The following MAP4K5 variants were observed in gnomAD, a reference collection of about 807,000 sequenced individuals.
MAP4K5 encodes MAPK/ERK kinase kinase kinase 5.
In MAP4K5, 82 loss-of-function variants were observed where a neutral mutation model predicts 135.6. The observed-to-expected ratio is 0.60, with a 90% CI of 0.51 to 0.73. The LOEUF (loss-of-function observed/expected upper bound fraction) is 0.73, where lower values mean the gene tolerates loss of function less well. Among genes scored for constraint, MAP4K5 ranks in the 30% least tolerant of loss-of-function variants. The pLI, the probability that MAP4K5 is intolerant of heterozygous loss-of-function variation, is 0.00. For missense variants in MAP4K5, 907 were observed against 1,010.9 expected (o/e 0.90, Z 1.39); for synonymous variants, 347 against 335.0 (o/e 1.04, Z -0.39).
At chr14:50,479,254 A>C (rs2037182176) in intron 6 of MAP4K5, among the ~76,000 whole-genome samples, 1 of 149,640 alleles carries the variant, frequency 6.7e-6, no homozygotes, top group Non-Finnish European at 1.5e-5. Flanking sequence ...TTATATCCAT[A>C]TTAGGCCACT....
chr14:50,488,314 C>T (rs1372031310), intron 3 of MAP4K5, among the ~76,000 whole-genome samples: 2 of 152,184 alleles, frequency 1.3e-5, no homozygotes, highest in Non-Finnish European at 2.9e-5. Flanking sequence ...TCACCTCCCA[C>T]CAGGCCTCTC....
intron 1 of MAP4K5, among the ~76,000 whole-genome samples, chr14:50,546,589 T>C (rs2038635447): frequency 6.6e-6 from 1 of 152,302 alleles, no homozygotes; most frequent in South Asian, 2.1e-4. Context: ...AAAATAGAAA[T>C]GTCTTCAGAA....
Position 50,420,192 on chromosome 14 carries a change from T to C in MAP4K5, c.2454-86A>G, listed in dbSNP as rs1180868825. ...AACATCAAACTAGGAAAGAATATCATTGTTCACATTTCAGTAAGATTACGT... is the reference window on the plus strand; with the variant it reads ...AACATCAAACTAGGAAAGAATATCACTGTTCACATTTCAGTAAGATTACGT... On this transcript the variant is annotated intron_variant, in intron 32 of 32. Transcript: ENST00000682126. 6 of 763,150 alleles carry C rather than the reference T, an allele frequency of 7.9e-6. No individual in the cohort carries two copies. In the East Asian group the frequency reaches 8.0e-5, roughly 10 times the overall value. The allele number at this position is 763,150 out of a possible 1,614,324, so 47.3% of individuals were successfully genotyped here.
rs745517453 is a variant in MAP4K5 at position 50,476,129 on chromosome 14, T to C, written c.468A>G (p.Leu156=). ...ILLTDHGDVK[L]ADFGVAAKIT... ...TTTTAGGAATTTGAAATAACATACC[T>C]AATTTTACATCGCCATGGTCTGTCA... The change falls in exon 8 of 33, where the codon TTA becomes TTG. Residue 156 remains leucine, a splice_region_variant and synonymous_variant. Transcript: ENST00000682126. 1 of 1,477,642 alleles carries C rather than the reference T, an allele frequency of 6.8e-7. No homozygotes were observed. The highest frequency in any genetic ancestry group is 9.0e-7 in the Non-Finnish European group (1 of 1,106,358). The allele number at this position is 1,477,642 out of a possible 1,614,324, so 91.5% of individuals were successfully genotyped here.
intron 3 of MAP4K5, among the ~76,000 whole-genome samples, chr14:50,486,422 T>C (rs1207972364): frequency 6.6e-6 from 1 of 152,116 alleles, no homozygotes. Flanking sequence ...TAAGGAGATA[T>C]GTACAAAGAC....
At position 50,419,789 on chromosome 14, in the gene MAP4K5, C is replaced by A; in HGVS notation, c.*230G>T. The A allele has an allele frequency of 2.3e-6, 1 of 430,350 alleles. No homozygotes were observed. Among genetic ancestry groups the A allele is most frequent in the Non-Finnish European group, 4.2e-6 (1 of 239,370 alleles). 26.7% of individuals were successfully genotyped at this position (430,350 alleles called of 1,614,324 possible). ...TTCCTGGAACTAGAGGACTATTTGT[C>A]TCATAGCTTTTATTAAGCAAACTTG... On this transcript the variant is annotated 3_prime_UTR_variant, in exon 33 of 33. Coordinates refer to ENST00000682126, the MANE Select transcript of MAP4K5 (RefSeq NM_006575.6).
intron 2 of MAP4K5, among the ~76,000 whole-genome samples, chr14:50,509,877 T>C (rs965865355): frequency 6.6e-6 from 1 of 152,158 alleles, no homozygotes; most frequent in African/African-American, 2.4e-5. Flanking sequence ...TCTTTGAACA[T>C]ACAGTATAAG....
chr14:50,456,511 C>T lies in MAP4K5; in HGVS notation c.1015+5G>A. 1 of 1,559,474 alleles carries T rather than the reference C, an allele frequency of 6.4e-7. No individual in the cohort carries two copies. The highest frequency in any genetic ancestry group is 8.7e-7 in the Non-Finnish European group (1 of 1,147,632). ...ACCAATGGAAAATGTAAACCAAACA[C>T]ATACAATTTATTTCTGAAGCTGTCC... On this transcript the variant is annotated splice_donor_5th_base_variant and intron_variant, in intron 14 of 32. Transcript: ENST00000682126.
chr14:50,456,210 CA>C (rs1354748121), intron 14 of MAP4K5: 1 of 319,812 alleles, frequency 3.1e-6, no homozygotes, highest in East Asian at 7.4e-5. Flanking sequence ...AGAAATGTGG[CA>C]AAATATTAAC....
In MAP4K5 at chr14:50,560,366, T is replaced by A; in HGVS notation, c.-180+674A>T. 3.8e-6 allele frequency: 6 copies of A among 1,585,306 alleles called. No homozygotes were observed. The South Asian group carries it at 6.8e-5, about 18-fold the overall frequency. ...TCTGGCCCTCCACTTTCTGCTTCTGTGGAGACAGGGAGGGCCAAGGGCTGC... is the reference window on the plus strand; with the variant it reads ...TCTGGCCCTCCACTTTCTGCTTCTGAGGAGACAGGGAGGGCCAAGGGCTGC... On this transcript the variant is annotated intron_variant, in intron 1 of 8. Transcript: ENST00000555216.
chr14:50,537,042 A>G (rs919220194), upstream of MAP4K5, among the ~76,000 whole-genome samples: 1 of 152,276 alleles, frequency 6.6e-6, no homozygotes, highest in Non-Finnish European at 1.5e-5. Flanking sequence ...AAATGCCTTC[A>G]GGGCGTGTCA....
At position 50,486,554 on chromosome 14, in the gene MAP4K5, T is replaced by C. The variant is rs115906208; in HGVS notation, c.167-360A>G. 8.0e-3 allele frequency among the ~76,000 whole-genome samples: 1,217 copies of C among 152,298 alleles called. 9 individuals carry two copies. The highest frequency in any genetic ancestry group is 0.027 in the African/African-American group (1,136 of 41,574). ...AAAGATTATATATTATTTAAGTATA[T>C]AGAAAAAGTATTGCAAAAGTAATTT... On this transcript the variant is annotated intron_variant, in intron 3 of 32. Coordinates refer to ENST00000682126, the MANE Select transcript of MAP4K5 (RefSeq NM_006575.6).
chr14:50,548,237 A>T (rs1375302819), intron 1 of MAP4K5, among the ~76,000 whole-genome samples: 1 of 152,222 alleles, frequency 6.6e-6, no homozygotes, highest in Non-Finnish European at 1.5e-5. Context: ...TCCTAGGTTT[A>T]CTGGGCTACT....
rs943712002 is a variant in MAP4K5, at chr14:50,446,999, T to C, written c.1142+415A>G. Among the ~76,000 whole-genome samples, 3 of 152,190 alleles carry C rather than the reference T, an allele frequency of 2.0e-5. No individual in the cohort carries two copies. In the East Asian group the frequency reaches 5.8e-4, roughly 29 times the overall value. ...GTTAACTCCAAATGTATAGGCCTAA[T>C]GTGGGAACCTAGGAATCTGCATTTC... On this transcript the variant is annotated intron_variant, in intron 16 of 32. Transcript: ENST00000682126.
At chr14:50,523,335 A>G (rs2038190400) in intron 2 of MAP4K5, among the ~76,000 whole-genome samples, 1 of 152,118 alleles carries the variant, frequency 6.6e-6, no homozygotes, top group Non-Finnish European at 1.5e-5. Context: ...ATAAATAAAT[A>G]AAAATCACAA....
rs2038408651 is a variant in MAP4K5 at position 50,532,137 on chromosome 14, G to C, written c.-88C>G. 2.5e-6 allele frequency: 2 copies of C among 790,432 alleles called. No individual in the cohort carries two copies. The highest frequency in any genetic ancestry group is 4.1e-6 in the Non-Finnish European group (2 of 490,992). The allele number at this position is 790,432 out of a possible 1,614,324, so 49.0% of individuals were successfully genotyped here. On this transcript the variant is annotated 5_prime_UTR_variant, in exon 2 of 33. Coordinates refer to ENST00000682126, the MANE Select transcript of MAP4K5 (RefSeq NM_006575.6). ...ACGAACGGCGCCGCTTCCCAACATG[G>C]AGCCTCCGCCCGCAGCTCCGTCTGC...
At chr14:50,526,364 A>G (rs899581014) in intron 2 of MAP4K5, among the ~76,000 whole-genome samples, 1 of 152,046 alleles carries the variant, frequency 6.6e-6, no homozygotes, top group African/African-American at 2.4e-5. Context: ...AAGTGGCGCA[A>G]TCTCAGCTCA....
chr14:50,503,772 T>C (rs1203177824), intron 3 of MAP4K5, among the ~76,000 whole-genome samples: 1 of 152,042 alleles, frequency 6.6e-6, no homozygotes, highest in Non-Finnish European at 1.5e-5. Flanking sequence ...ATATCTTTGT[T>C]TTCTCTGAGA....
intron 7 of MAP4K5, 28 bp from the exon 8 acceptor site, chr14:50,476,198 A>C (rs1169718505): frequency 6.8e-7 from 1 of 1,480,496 alleles, no homozygotes; most frequent in Admixed American, 2.2e-5. Flanking sequence ...ATACAATTAA[A>C]TTAGCATCAT....
Sources: allele counts gnomAD v4.1 joint callset (sites outside exome capture counted in the v4.1 genomes callset), GRCh38; gene constraint gnomAD v4.1.1; transcripts MANE v1.5; gene names NCBI Gene and HGNC (gene_info 2026-07-23, HGNC 2026-07-21).